Variants in SAXO1 observed in about 807,000 individuals in gnomAD.
The protein encoded by SAXO1 is stabilizer of axonemal microtubules 1, also known as 4930500O09Rik.
SAXO1 carries 21 observed loss-of-function variants against 17.5 expected under a neutral mutation model. The observed-to-expected ratio is 1.20, with a 90% confidence interval of 0.85 to 1.72. The LOEUF is 1.72. Among genes scored for constraint, SAXO1 ranks in the 40% most tolerant of loss-of-function variants. The probability of loss-of-function intolerance (pLI) is 0.00; values close to 1 mark genes in which losing one functional copy is unlikely to be tolerated. For missense variants in SAXO1, 843 were observed against 596.0 expected (o/e 1.41, Z -4.32); for synonymous variants, 274 against 216.5 (o/e 1.27, Z -2.33).
In SAXO1 at chr9:18,950,747, T is replaced by A. The variant is rs775843672; in HGVS notation, c.218+11A>T. On this transcript the variant is annotated intron_variant, in intron 2 of 3. Coordinates refer to ENST00000380534, the MANE Select transcript of SAXO1 (RefSeq NM_153707.4). ...TATGTACCTGCATACATTAATACTG[T>A]TTGCCCTCACCTTGATGTAGTCAGG... 1 of 1,610,844 alleles carries A rather than the reference T, an allele frequency of 6.2e-7. No homozygotes were observed. Among genetic ancestry groups the A allele is most frequent in the South Asian group, 1.1e-5 (1 of 90,742 alleles).
At chr9:18,997,432 T>G (rs909885438) in intron 1 of SAXO1, among the ~76,000 whole-genome samples, 1 of 152,238 alleles carries the variant, frequency 6.6e-6, no homozygotes, top group African/African-American at 2.4e-5. Context: ...GGTAGTTCCA[T>G]GCTCACAGTG....
chr9:18,955,518 T>C (rs1832222316), intron 1 of SAXO1, among the ~76,000 whole-genome samples: 1 of 152,216 alleles, frequency 6.6e-6, no homozygotes, highest in East Asian at 1.9e-4. Flanking sequence ...GGAAGTTTAC[T>C]CTAAAAGTGT....
chr9:18,942,901 T>C (rs1409132888), intron 2 of SAXO1, among the ~76,000 whole-genome samples: 1 of 152,242 alleles, frequency 6.6e-6, no homozygotes, highest in Admixed American at 6.5e-5. Flanking sequence ...TTTATTCAAC[T>C]GGACAAAGGG....
At chr9:18,968,593 T>A in intron 1 of SAXO1, among the ~76,000 whole-genome samples, 1 of 60,658 alleles carries the variant, frequency 1.6e-5, no homozygotes. Flanking sequence ...AATGTCCCCC[T>A]TTTTGTTTTT....
intron 2 of SAXO1, among the ~76,000 whole-genome samples, chr9:18,943,202 C>G (rs912984352): frequency 2.0e-5 from 3 of 152,188 alleles, no homozygotes; most frequent in African/African-American, 7.2e-5. Context: ...CTCTAGGGCT[C>G]TAAGGAGGAA....
intron 1 of SAXO1, among the ~76,000 whole-genome samples, chr9:18,977,800 T>C (rs1393874134): frequency 1.3e-5 from 2 of 151,924 alleles, no homozygotes; most frequent in Admixed American, 6.6e-5. Flanking sequence ...TCCACACCAC[T>C]CTGGGCAACA....
intron 1 of SAXO1, 81 bp from the exon 2 acceptor site, chr9:18,951,018 G>T (rs1832016592): frequency 3.7e-6 from 5 of 1,348,022 alleles, no homozygotes; most frequent in Non-Finnish European, 5.1e-6. Context: ...CGCCAAATGT[G>T]ACTCAGACTG....
chr9:19,000,090 G>A (rs1477714518), intron 1 of SAXO1, among the ~76,000 whole-genome samples: 6 of 143,764 alleles, frequency 4.2e-5, no homozygotes, highest in Admixed American at 6.9e-5. Context: ...CTACCCAGCC[G>A]CCCCACCATC....
Position 18,951,005 on chromosome 9 carries a change from T to C in SAXO1, c.39-68A>G, listed in dbSNP as rs796256356. 6 of 1,447,654 alleles carry C rather than the reference T, an allele frequency of 4.1e-6. No homozygotes were observed. The African/African-American group carries it at 8.4e-5, about 20-fold the overall frequency. The allele number at this position is 1,447,654 out of a possible 1,614,324, so 89.7% of individuals were successfully genotyped here. On this transcript the variant is annotated intron_variant, in intron 1 of 3. Transcript: ENST00000380534. ...AAAAAACCCAATTTCCTAAGAGTAC[T>C]TCCGCCAAATGTGACTCAGACTGTA...
At chr9:18,931,916 A>C (rs1831068492) in intron 3 of SAXO1, among the ~76,000 whole-genome samples, 1 of 152,162 alleles carries the variant, frequency 6.6e-6, no homozygotes, top group South Asian at 2.1e-4. Context: ...CAAATCTTAC[A>C]CCAGGTATGT....
intron 1 of SAXO1, among the ~76,000 whole-genome samples, chr9:18,977,216 A>T (rs77544298): frequency 0.021 from 3,166 of 152,290 alleles, 100 homozygotes; most frequent in African/African-American, 0.072. Flanking sequence ...ATTCTTTTAC[A>T]TACAAAACCT....
chr9:19,013,197 T>A (rs1314817589), intron 1 of SAXO1, among the ~76,000 whole-genome samples: 2 of 150,706 alleles, frequency 1.3e-5, no homozygotes, highest in African/African-American at 4.9e-5. Context: ...CGAGAAGCGA[T>A]GAAAGACTAA....
At chr9:19,013,339 C>G (rs1468746330) in intron 1 of SAXO1, among the ~76,000 whole-genome samples, 1 of 152,058 alleles carries the variant, frequency 6.6e-6, no homozygotes, top group Non-Finnish European at 1.5e-5. Flanking sequence ...ACGCCAGTCC[C>G]TTTTACTTTC....
chr9:19,029,999 C>T (rs879410893), intron 1 of SAXO1, among the ~76,000 whole-genome samples: 3 of 152,106 alleles, frequency 2.0e-5, no homozygotes, highest in Non-Finnish European at 2.9e-5. Context: ...GTTTTCCCAG[C>T]GTACATATAA....
chr9:18,944,581 G>T (rs1239240851), intron 2 of SAXO1, among the ~76,000 whole-genome samples: 2 of 152,212 alleles, frequency 1.3e-5, no homozygotes, highest in African/African-American at 2.4e-5. Context: ...AAACTGGTCA[G>T]AGAAGTAAGT....
intron 1 of SAXO1, among the ~76,000 whole-genome samples, chr9:19,041,672 G>C (rs1836083424): frequency 6.6e-6 from 1 of 152,102 alleles, no homozygotes; most frequent in Non-Finnish European, 1.5e-5. Context: ...TTCAACACAG[G>C]TGCCAAGAAC....
intron 1 of SAXO1, among the ~76,000 whole-genome samples, chr9:18,956,112 T>C (rs868530098): frequency 0.61 from 68,367 of 112,040 alleles, 19,508 homozygotes; most frequent in Non-Finnish European, 0.68. Flanking sequence ...CCTGGCTAAT[T>C]TTTTTTTTTT....
Position 18,961,936 on chromosome 9 carries a change from C to T in SAXO1, c.39-10999G>A, listed in dbSNP as rs141801447. 2.5e-3 allele frequency among the ~76,000 whole-genome samples: 380 copies of T among 152,346 alleles called. 1 individual carries two copies. The highest frequency in any genetic ancestry group is 8.7e-3 in the African/African-American group (363 of 41,580). On this transcript the variant is annotated intron_variant, in intron 1 of 3. Transcript: ENST00000380534. Reference sequence around the variant, plus strand: ...CACACTGTCTTCCACAATGGTTGAACTAATTTACAATTCCACCAACAGTGT... The same window carrying T: ...CACACTGTCTTCCACAATGGTTGAATTAATTTACAATTCCACCAACAGTGT...
At chr9:19,025,493 A>G (rs1278586284) in intron 1 of SAXO1, among the ~76,000 whole-genome samples, 3 of 152,242 alleles carry the variant, frequency 2.0e-5, no homozygotes, top group African/African-American at 2.4e-5. Flanking sequence ...CCTGGTTAAC[A>G]TAACTGATTT....
Sources: allele counts gnomAD v4.1 joint callset (sites outside exome capture counted in the v4.1 genomes callset), GRCh38; gene constraint gnomAD v4.1.1; transcripts MANE v1.5; gene names NCBI Gene and HGNC (gene_info 2026-07-23, HGNC 2026-07-21).